The following MAP3K13 variants were observed in gnomAD, a reference collection of about 807,000 sequenced individuals.
The protein encoded by MAP3K13 is mitogen-activated protein kinase kinase kinase 13, also known as leucine zipper-bearing kinase.
In MAP3K13, 52 loss-of-function variants were observed where a neutral mutation model predicts 104.0. The observed-to-expected ratio is 0.50, with a 90% CI of 0.40 to 0.63. The LOEUF (loss-of-function observed/expected upper bound fraction) is 0.63, where lower values mean the gene tolerates loss of function less well. MAP3K13 is among the 20% of genes least tolerant of loss of function. The probability of loss-of-function intolerance (pLI) is 0.00; values close to 1 mark genes in which losing one functional copy is unlikely to be tolerated. For missense variants in MAP3K13, 914 were observed against 1,218.5 expected, an observed-to-expected ratio of 0.75 and a Z score of 3.72; for synonymous variants, 394 against 442.2, an observed-to-expected ratio of 0.89 and a Z score of 1.37.
intron 1 of MAP3K13, among the ~76,000 whole-genome samples, chr3:185,407,087 G>A (rs1713155781): frequency 6.6e-6 from 1 of 152,158 alleles, no homozygotes; most frequent in Non-Finnish European, 1.5e-5. Context: ...AAGATTATAT[G>A]GGAAGGACAC....
At chr3:185,427,230 G>T (rs1577544637) in intron 1 of MAP3K13, among the ~76,000 whole-genome samples, 2 of 151,950 alleles carry the variant, frequency 1.3e-5, no homozygotes, top group South Asian at 2.1e-4. Context: ...TGGGCGTGGT[G>T]GTGCGTGCCT....
intron 2 of MAP3K13, among the ~76,000 whole-genome samples, chr3:185,345,299 A>T (rs1722878263): frequency 6.6e-6 from 1 of 152,034 alleles, no homozygotes; most frequent in African/African-American, 2.4e-5. Flanking sequence ...TTTCATTCCA[A>T]ATCCTCCCAC....
chr3:185,308,732 T>A (rs530339982), intron 2 of MAP3K13, among the ~76,000 whole-genome samples: 1 of 152,362 alleles, frequency 6.6e-6, no homozygotes, highest in Non-Finnish European at 1.5e-5. Flanking sequence ...GAACTTTGGA[T>A]GCACATTCTA....
intron 2 of MAP3K13, among the ~76,000 whole-genome samples, chr3:185,347,201 G>A (rs1300558390): frequency 1.3e-5 from 2 of 151,914 alleles, no homozygotes; most frequent in Non-Finnish European, 2.9e-5. Flanking sequence ...TGGCCAGGAT[G>A]GTCTTGATCT....
At chr3:185,402,697 T>C (rs1395690070) in intron 1 of MAP3K13, among the ~76,000 whole-genome samples, 1 of 152,150 alleles carries the variant, frequency 6.6e-6, no homozygotes, top group Non-Finnish European at 1.5e-5. Context: ...GGCGCTGTGT[T>C]GTTTGGCTTC....
At chr3:185,463,502 G>A (rs1717231315) in intron 7 of MAP3K13, 48 bp from the exon 8 acceptor site, 2 of 1,085,490 alleles carry the variant, frequency 1.8e-6, no homozygotes, top group Non-Finnish European at 2.8e-6. Context: ...GATATATCAG[G>A]GATTGAAACT....
At chr3:185,444,413 C>T (rs1374564729) in intron 4 of MAP3K13, among the ~76,000 whole-genome samples, 1 of 151,894 alleles carries the variant, frequency 6.6e-6, no homozygotes, top group African/African-American at 2.4e-5. Flanking sequence ...AACATTAGAA[C>T]TAAAAATTGT....
chr3:185,320,696 G>C (rs773712624), intron 2 of MAP3K13, among the ~76,000 whole-genome samples: 2 of 152,086 alleles, frequency 1.3e-5, no homozygotes, highest in African/African-American at 4.8e-5. Flanking sequence ...ATTACCTTCC[G>C]GCTTGCAGGC....
chr3:185,363,546 A>G (rs773860093), intron 1 of MAP3K13, among the ~76,000 whole-genome samples, 178 bp downstream of exon 1: 2 of 152,108 alleles, frequency 1.3e-5, no homozygotes, highest in Non-Finnish European at 2.9e-5. Flanking sequence ...GAGCCTCTGA[A>G]ACTGACAGCT....
intron 7 of MAP3K13, among the ~76,000 whole-genome samples, chr3:185,459,208 G>A (rs78101662): frequency 9.9e-4 from 151 of 152,194 alleles, no homozygotes; most frequent in African/African-American, 2.1e-3. Context: ...GAGCAGATAC[G>A]TATGCAGAGG....
In MAP3K13 at chr3:185,434,969, G is replaced by T. The variant is rs550947530; in HGVS notation, c.476-2478G>T. On this transcript the variant is annotated intron_variant, in intron 2 of 13. Coordinates refer to ENST00000265026, the MANE Select transcript of MAP3K13 (RefSeq NM_004721.5). Reference sequence around the variant, plus strand: ...CCAGAATTGTCAAAATGACACTGAGGTTTTTTTATTTTTGTTTTTGTTTGT... The same window carrying T: ...CCAGAATTGTCAAAATGACACTGAGTTTTTTTTATTTTTGTTTTTGTTTGT... Among the ~76,000 whole-genome samples, 22 of 151,908 alleles carry T rather than the reference G, an allele frequency of 1.4e-4. No homozygotes were observed. In the South Asian group the frequency reaches 1.5e-3, roughly 10 times the overall value.
At chr3:185,356,731 T>A (rs949087045) in intron 2 of MAP3K13, among the ~76,000 whole-genome samples, 8 of 152,108 alleles carry the variant, frequency 5.3e-5, no homozygotes, top group Non-Finnish European at 1.0e-4. Context: ...GGGAGTTGAG[T>A]TGGCCATCCT....
intron 1 of MAP3K13, among the ~76,000 whole-genome samples, chr3:185,374,869 T>C (rs1724350116): frequency 6.6e-6 from 1 of 151,924 alleles, no homozygotes; most frequent in African/African-American, 2.4e-5. Flanking sequence ...CTGAGATTGA[T>C]AGTGTGGTGG....
Position 185,418,049 on chromosome 3 carries a change from C to G in MAP3K13, c.-85-10448C>G. ...CAAATGCAGAAACGTCCCACATGCC[C>G]ACCAGGAGCAAGCTTCAAAATGTTC... On this transcript the variant is annotated intron_variant, in intron 1 of 13. Transcript: ENST00000265026. This position sits in a 1 kb window ranked among gnomAD's most constrained non-coding sequence, Gnocchi z 4.5. The G allele has an allele frequency of 6.2e-7, 1 of 1,611,884 alleles. No homozygotes were observed. Among genetic ancestry groups the G allele is most frequent in the Non-Finnish European group, 8.5e-7 (1 of 1,179,724 alleles).
chr3:185,423,504 G>A lies in MAP3K13; in HGVS notation c.-85-4993G>A, dbSNP rs538309488. ...AAAGTATAATGAGGAGATCAGTAATGTCAAAGCTCAGAGATGAGCACGAAA... is the reference window on the plus strand; with the variant it reads ...AAAGTATAATGAGGAGATCAGTAATATCAAAGCTCAGAGATGAGCACGAAA... On this transcript the variant is annotated intron_variant, in intron 1 of 13. Transcript: ENST00000265026. This position sits in a 1 kb window ranked among gnomAD's most constrained non-coding sequence, Gnocchi z 4.1. Among the ~76,000 whole-genome samples the A allele has an allele frequency of 6.6e-6, 1 of 152,362 alleles. No individual in the cohort carries two copies. The highest frequency in any genetic ancestry group is 2.1e-4 in the South Asian group (1 of 4,830).
chr3:185,481,693 C>T (rs1018894055), intron 13 of MAP3K13, among the ~76,000 whole-genome samples: 16 of 152,166 alleles, frequency 1.1e-4, no homozygotes, highest in African/African-American at 3.6e-4. Context: ...TACTGTGGGA[C>T]CTGGCAAGCC....
At chr3:185,325,822 G>A (rs1214077014) in intron 2 of MAP3K13, among the ~76,000 whole-genome samples, 1 of 152,084 alleles carries the variant, frequency 6.6e-6, no homozygotes, top group Non-Finnish European at 1.5e-5. Flanking sequence ...ACTTTTTTGG[G>A]CCTCACATTT....
At chr3:185,407,643 C>G (rs371925098) in intron 1 of MAP3K13, among the ~76,000 whole-genome samples, 10 of 152,146 alleles carry the variant, frequency 6.6e-5, no homozygotes, top group African/African-American at 2.4e-4. Flanking sequence ...CTTCAGAGTG[C>G]GTTTTGCCAA....
At chr3:185,449,059 T>C (rs1328581200) in intron 5 of MAP3K13, among the ~76,000 whole-genome samples, 1 of 152,222 alleles carries the variant, frequency 6.6e-6, no homozygotes, top group African/African-American at 2.4e-5. Flanking sequence ...TTTTATGGCT[T>C]TTAGATTTCA....
Sources: allele counts gnomAD v4.1 joint callset (sites outside exome capture counted in the v4.1 genomes callset), GRCh38; gene constraint gnomAD v4.1.1; non-coding constraint Gnocchi (gnomAD v3.1); transcripts MANE v1.5; gene names NCBI Gene and HGNC (gene_info 2026-07-23, HGNC 2026-07-21).